AHCYL2: variants seen among roughly 807,000 people sequenced by gnomAD.
AHCYL2 encodes the protein S-adenosylhomocysteine hydrolase-like protein 2.
Under a neutral mutation model 81.4 loss-of-function variants are expected in AHCYL2, and 28 were observed. The ratio of observed to expected loss-of-function variants is 0.34; its 90% CI spans 0.25 to 0.47. AHCYL2 has a LOEUF of 0.47. Ranked by LOEUF, AHCYL2 falls within the 20% of genes least tolerant of loss-of-function variation. The probability of loss-of-function intolerance (pLI) is 1.00; values close to 1 mark genes in which losing one functional copy is unlikely to be tolerated. For synonymous variants in AHCYL2, 272 were observed against 290.2 expected (o/e 0.94, Z 0.64); for missense variants, 551 against 785.1 (o/e 0.70, Z 3.56).
intron 1 of AHCYL2, among the ~76,000 whole-genome samples, chr7:129,290,815 A>G (rs2150750574): frequency 6.6e-6 from 1 of 151,638 alleles, no homozygotes; most frequent in African/African-American, 2.4e-5. Flanking sequence ...CTGTAATCCC[A>G]GCTACTCAGG....
chr7:129,396,721 G>A (rs190999540), intron 4 of AHCYL2, among the ~76,000 whole-genome samples: 8 of 151,994 alleles, frequency 5.3e-5, no homozygotes, highest in East Asian at 3.9e-4. Flanking sequence ...GTTCCTGGCC[G>A]TGTGTTTGGT....
At chr7:129,359,291 G>A (rs1793851559) in intron 1 of AHCYL2, among the ~76,000 whole-genome samples, 1 of 152,144 alleles carries the variant, frequency 6.6e-6, no homozygotes, top group Non-Finnish European at 1.5e-5. Flanking sequence ...AAAATAGGCA[G>A]AACTGATCAG....
chr7:129,422,149 A>C (rs1797146199), intron 12 of AHCYL2, among the ~76,000 whole-genome samples: 1 of 152,208 alleles, frequency 6.6e-6, no homozygotes, highest in Admixed American at 6.5e-5. Flanking sequence ...ATTTTCTCTG[A>C]ATATACAATA....
chr7:129,406,311 C>T lies in AHCYL2; in HGVS notation c.1207-67C>T. 6 of 1,466,538 alleles carry T rather than the reference C, an allele frequency of 4.1e-6. No individual in the cohort carries two copies. Among genetic ancestry groups the T allele is most frequent in the Non-Finnish European group, 5.7e-6 (6 of 1,048,724 alleles). The allele number at this position is 1,466,538 out of a possible 1,614,324, so 90.8% of individuals were successfully genotyped here. A position where few individuals can be genotyped will look rare whatever the true frequency, so the allele number is the denominator to read the frequency against. On this transcript the variant is annotated intron_variant, in intron 9 of 16. Coordinates refer to ENST00000325006, the MANE Select transcript of AHCYL2 (RefSeq NM_015328.4). The surrounding 1 kb of genome is among the most constrained non-coding windows in gnomAD (Gnocchi z 4.3). ...GGGTGGAAAGAGGGGGTGCACTTTACCAGAAGCTTTGAGAAATGGTTTTCT... is the reference window on the plus strand; with the variant it reads ...GGGTGGAAAGAGGGGGTGCACTTTATCAGAAGCTTTGAGAAATGGTTTTCT...
At chr7:129,317,399 A>T (rs934404035) in intron 1 of AHCYL2, among the ~76,000 whole-genome samples, 2 of 152,188 alleles carry the variant, frequency 1.3e-5, no homozygotes, top group Admixed American at 1.3e-4. Context: ...AACCACAAAC[A>T]ATCAATTGGG....
At chr7:129,347,858 A>C (rs1275799134) in intron 1 of AHCYL2, among the ~76,000 whole-genome samples, 1 of 152,154 alleles carries the variant, frequency 6.6e-6, no homozygotes, top group Non-Finnish European at 1.5e-5. Flanking sequence ...TACCTTGTTT[A>C]CTTTACACCC....
chr7:129,233,015 C>G (rs1300115124), intron 1 of AHCYL2, among the ~76,000 whole-genome samples: 2 of 152,162 alleles, frequency 1.3e-5, no homozygotes. Flanking sequence ...GTTGCTGGCA[C>G]TCATGGAGCT....
chr7:129,299,108 A>AT (rs1342226654), intron 1 of AHCYL2, among the ~76,000 whole-genome samples: 17 of 151,740 alleles, frequency 1.1e-4, no homozygotes, highest in Non-Finnish European at 2.4e-4. Context: ...TCTTTTTTAA[A>AT]TTTTTTGACA....
intron 1 of AHCYL2, among the ~76,000 whole-genome samples, chr7:129,370,425 G>T (rs898232261): frequency 2.6e-5 from 4 of 152,014 alleles, no homozygotes; most frequent in African/African-American, 7.2e-5. Flanking sequence ...AGCCGGGTGC[G>T]GTGGCTCACG....
At chr7:129,321,772 G>GTTTTTTTTTTTTT (rs1217148394) in intron 1 of AHCYL2, among the ~76,000 whole-genome samples, 13 of 114,376 alleles carry the variant, frequency 1.1e-4, no homozygotes, top group South Asian at 5.8e-4. Flanking sequence ...TTTGGTCTTG[G>GTTTTTTTTTTTTT]TTTTGTTTTT....
At chr7:129,268,095 G>A (rs562348691) in intron 1 of AHCYL2, among the ~76,000 whole-genome samples, 3 of 152,206 alleles carry the variant, frequency 2.0e-5, no homozygotes, top group South Asian at 2.1e-4. Context: ...AGGAGTAAAC[G>A]TAGTAGTTTA....
chr7:129,348,037 A>T (rs939698600), intron 1 of AHCYL2, among the ~76,000 whole-genome samples: 3 of 152,206 alleles, frequency 2.0e-5, no homozygotes, highest in Non-Finnish European at 4.4e-5. Context: ...TGGATTAAAG[A>T]TACATCTGGA....
At position 129,312,800 on chromosome 7, in the gene AHCYL2, T is replaced by C. The variant is rs185496116; in HGVS notation, c.364-66838T>C. 2.9e-4 allele frequency among the ~76,000 whole-genome samples: 44 copies of C among 152,296 alleles called. No homozygotes were observed. The East Asian group carries it at 8.3e-3, about 29-fold the overall frequency. The stretch of plus-strand genomic sequence containing the variant: ...AGAACATTCTTGTATACTCTTTCCC[T>C]GTCAGAAGCTCCCTGCCTCTCACCC... On this transcript the variant is annotated intron_variant, in intron 1 of 16. Transcript: ENST00000325006.
rs202029079 is a variant in AHCYL2, at chr7:129,297,858, T to TA, written c.363+72427dup. ...GGACAACATAGGGAGAGCCAGTCTC[T>TA]AAAAAAAATTAAAAATTAGCCCGAC... On this transcript the variant is annotated intron_variant, in intron 1 of 16. Coordinates refer to ENST00000325006, the MANE Select transcript of AHCYL2 (RefSeq NM_015328.4). Among the ~76,000 whole-genome samples, 269 of 151,868 alleles carry TA rather than the reference T, an allele frequency of 1.8e-3. 1 individual carries two copies. The highest frequency in any genetic ancestry group is 6.2e-3 in the African/African-American group (256 of 41,404).
At chr7:129,240,140 G>A (rs1431521302) in intron 1 of AHCYL2, among the ~76,000 whole-genome samples, 1 of 151,908 alleles carries the variant, frequency 6.6e-6, no homozygotes, top group African/African-American at 2.4e-5. Flanking sequence ...GCTTGAACCC[G>A]GGAGGTGGAG....
chr7:129,276,443 A>AC lies in AHCYL2; in HGVS notation c.363+51006dup, dbSNP rs71162586. Reference sequence around the variant, plus strand: ...GTAGAAGGGAAGAATAAAAAAAAAAACCAGAACTGAATGAAATTGAAAACA... The same window carrying AC: ...GTAGAAGGGAAGAATAAAAAAAAAAACCCAGAACTGAATGAAATTGAAAACA... On this transcript the variant is annotated intron_variant, in intron 1 of 16. Transcript: ENST00000325006. 4.2e-4 allele frequency among the ~76,000 whole-genome samples: 64 copies of AC among 151,688 alleles called. No homozygotes were observed. The East Asian group carries it at 5.6e-3, about 13-fold the overall frequency.
intron 1 of AHCYL2, among the ~76,000 whole-genome samples, chr7:129,310,308 C>A (rs1365029291): frequency 6.6e-6 from 1 of 152,116 alleles, no homozygotes; most frequent in East Asian, 1.9e-4. Flanking sequence ...TTATGGTCAC[C>A]TTTTCTCTGA....
chr7:129,410,293 C>T lies in AHCYL2; in HGVS notation c.1366+747C>T, dbSNP rs148711580. On this transcript the variant is annotated intron_variant, in intron 11 of 16. Coordinates refer to ENST00000325006, the MANE Select transcript of AHCYL2 (RefSeq NM_015328.4). ...CTTCCTTCTGTTTCTTACGGGTCTC[C>T]AGGTCCTTTCGAATGTTCTCAAACT... 4.6e-4 allele frequency: 741 copies of T among 1,614,190 alleles called. 9 individuals are homozygous for T. The East Asian group carries it at 0.013, about 29-fold the overall frequency.
intron 1 of AHCYL2, among the ~76,000 whole-genome samples, chr7:129,328,434 C>T (rs996612025): frequency 6.6e-6 from 1 of 152,066 alleles, no homozygotes; most frequent in African/African-American, 2.4e-5. Flanking sequence ...TCTCAGCCTC[C>T]CAAAGCGCTG....
Sources: gnomAD v4.1 joint callset for allele counts (sites outside exome capture counted in the v4.1 genomes callset) on GRCh38, gnomAD v4.1.1 for gene constraint, Gnocchi (gnomAD v3.1) non-coding constraint, MANE v1.5 for transcripts, NCBI Gene and HGNC (gene_info 2026-07-23, HGNC 2026-07-21) for gene names.